KALRN: variants seen among roughly 807,000 people sequenced by gnomAD.
KALRN encodes the protein kalirin RhoGEF kinase, also known as kalirin.
KALRN carries 70 observed loss-of-function variants against 353.7 expected under a neutral mutation model. That is an observed-to-expected ratio of 0.20 (90% CI 0.16 to 0.24). The LOEUF (loss-of-function observed/expected upper bound fraction) is 0.24. KALRN is among the 10% of genes least tolerant of loss of function. The pLI, the probability that KALRN is intolerant of heterozygous loss-of-function variation, is 1.00. For missense variants in KALRN, 2,791 were observed against 3,756.7 expected, an observed-to-expected ratio of 0.74 and a Z score of 6.72; for synonymous variants, 1,391 against 1,434.8, an observed-to-expected ratio of 0.97 and a Z score of 0.69.
chr3:124,071,278 G>A (rs2060006224), intron 1 of KALRN, among the ~76,000 whole-genome samples: 1 of 152,116 alleles, frequency 6.6e-6, no homozygotes, highest in Admixed American at 6.6e-5. Flanking sequence ...CATTGACTGA[G>A]CACTTTCCAA....
chr3:124,087,186 C>T (rs1201631145), intron 1 of KALRN, among the ~76,000 whole-genome samples: 1 of 152,134 alleles, frequency 6.6e-6, no homozygotes, highest in African/African-American at 2.4e-5. Flanking sequence ...TAGCATGTTG[C>T]ATATTATAAT....
chr3:124,249,064 GCTC>G (rs1362355211), intron 3 of KALRN, among the ~76,000 whole-genome samples: 17 of 152,230 alleles, frequency 1.1e-4, no homozygotes, highest in African/African-American at 3.9e-4. Context: ...CCCTCTTGCA[GCTC>G]TGACTATGAA....
At chr3:124,630,978 C>T (rs985753299) in intron 34 of KALRN, among the ~76,000 whole-genome samples, 1 of 152,202 alleles carries the variant, frequency 6.6e-6, no homozygotes, top group Non-Finnish European at 1.5e-5. Context: ...TCCACTACAG[C>T]TGCTTTTTTC....
At chr3:124,175,984 C>G (rs1398082383) in intron 1 of KALRN, among the ~76,000 whole-genome samples, 1 of 152,166 alleles carries the variant, frequency 6.6e-6, no homozygotes, top group South Asian at 2.1e-4. Flanking sequence ...ATGATTTTCT[C>G]TCTTCTGGGG....
chr3:124,627,367 T>G (rs550282720), intron 34 of KALRN, among the ~76,000 whole-genome samples: 5 of 152,340 alleles, frequency 3.3e-5, no homozygotes, highest in African/African-American at 1.2e-4. Context: ...GTTTTTAATT[T>G]GTACTTTATA....
At chr3:124,129,170 C>T (rs1388498332) in intron 1 of KALRN, among the ~76,000 whole-genome samples, 5 of 152,082 alleles carry the variant, frequency 3.3e-5, no homozygotes, top group Non-Finnish European at 5.9e-5. Context: ...GAGGAAGGTC[C>T]GTCATACTCA....
chr3:124,192,365 C>CT (rs1560193433), intron 1 of KALRN, among the ~76,000 whole-genome samples: 1 of 151,890 alleles, frequency 6.6e-6, no homozygotes, highest in East Asian at 1.9e-4. Flanking sequence ...AGGATGGTTA[C>CT]TAGAGGCTGG....
intron 9 of KALRN, among the ~76,000 whole-genome samples, chr3:124,338,919 A>G (rs1309934160): frequency 2.0e-5 from 3 of 152,208 alleles, no homozygotes; most frequent in South Asian, 2.1e-4. Flanking sequence ...ATATGTAACT[A>G]TATTTTTCAA....
intron 25 of KALRN, among the ~76,000 whole-genome samples, chr3:124,470,680 A>G (rs187948394): frequency 6.6e-6 from 1 of 152,340 alleles, no homozygotes; most frequent in Admixed American, 6.5e-5. Flanking sequence ...ATTACCCAGG[A>G]AGCATTTCTA....
chr3:124,518,948 C>T, intron 33 of KALRN: 1 of 991,984 alleles, frequency 1.0e-6, no homozygotes, highest in South Asian at 4.6e-5. Flanking sequence ...AGCTTGTATC[C>T]CCACATCATG....
intron 57 of KALRN, among the ~76,000 whole-genome samples, chr3:124,709,074 A>G (rs1579061229): frequency 2.0e-5 from 3 of 152,250 alleles, no homozygotes; most frequent in African/African-American, 7.2e-5. Flanking sequence ...GAATTTCTGA[A>G]CAGTTGAGGA....
intron 1 of KALRN, among the ~76,000 whole-genome samples, chr3:124,205,632 G>A (rs1162083292): frequency 6.6e-6 from 1 of 152,068 alleles, no homozygotes; most frequent in African/African-American, 2.4e-5. Flanking sequence ...TTGAACTTTG[G>A]GTACCATTTA....
intron 33 of KALRN, among the ~76,000 whole-genome samples, chr3:124,529,752 C>A (rs1473852310): frequency 2.0e-5 from 3 of 151,078 alleles, no homozygotes; most frequent in Non-Finnish European, 4.4e-5. Context: ...TTCTGGGGCC[C>A]TGTAGATCAT....
intron 33 of KALRN, among the ~76,000 whole-genome samples, chr3:124,502,535 A>G (rs1190036553): frequency 3.3e-5 from 5 of 152,192 alleles, no homozygotes; most frequent in African/African-American, 7.2e-5. Context: ...CAAATCAGGT[A>G]TGGATTCAAT....
intron 33 of KALRN, among the ~76,000 whole-genome samples, chr3:124,531,683 A>C (rs538905461): frequency 2.0e-5 from 3 of 152,172 alleles, no homozygotes; most frequent in African/African-American, 7.2e-5. Context: ...CAAATCTCAC[A>C]AAACTTACTC....
At chr3:124,100,262 T>G (rs2061756444) in intron 1 of KALRN, 2 of 152,214 alleles carry the variant, frequency 1.3e-5, no homozygotes, top group South Asian at 4.1e-4. Context: ...GTGAATTCCT[T>G]GTATATTCTG....
At chr3:124,291,379 A>AT (rs112877018) in intron 5 of KALRN, among the ~76,000 whole-genome samples, 1,834 of 150,210 alleles carry the variant, frequency 0.012, 17 homozygotes, top group African/African-American at 0.02. Context: ...GAAGCAGGGG[A>AT]TTTTTTTTTT....
At chr3:124,656,628 G>A (rs556504817) in intron 39 of KALRN, among the ~76,000 whole-genome samples, 1 of 142,696 alleles carries the variant, frequency 7.0e-6, no homozygotes, top group Non-Finnish European at 1.6e-5. Context: ...AAAAATAAAA[G>A]TAAAAATAAA....
At chr3:124,099,212 T>A (rs1301597414) in intron 1 of KALRN, 1 of 152,180 alleles carries the variant, frequency 6.6e-6, no homozygotes, top group Non-Finnish European at 1.5e-5. Context: ...ACTTACTCTT[T>A]CTGTCTATAT....
Sources: gnomAD v4.1 joint callset for allele counts (sites outside exome capture counted in the v4.1 genomes callset) on GRCh38, gnomAD v4.1.1 for gene constraint, MANE v1.5 for transcripts, NCBI Gene and HGNC (gene_info 2026-07-23, HGNC 2026-07-21) for gene names.